Variants in BTN2A2 observed in about 807,000 individuals in gnomAD.
The protein encoded by BTN2A2 is butyrophilin subfamily 2 member A2.
Under a neutral mutation model 34.7 loss-of-function variants are expected in BTN2A2, and 29 were observed. The ratio of observed to expected loss-of-function variants is 0.84; its 90% confidence interval spans 0.62 to 1.14. BTN2A2 has a LOEUF of 1.14. BTN2A2 is among the 50% of genes most tolerant of loss of function. BTN2A2 has a pLI of 0.00. For synonymous variants in BTN2A2, 240 were observed against 253.1 expected (o/e 0.95, Z 0.49); for missense variants, 612 against 651.5 (o/e 0.94, Z 0.66).
In BTN2A2 at chr6:26,393,025, C is replaced by A; in HGVS notation, c.*58C>A. The A allele has an allele frequency of 6.2e-7, 1 of 1,613,212 alleles. No homozygotes were observed. Reference sequence around the variant, plus strand: ...AAGCCCTGGCCATCTCAGCAGCCACCGCACAACCCCCCTAATGAAAGACAC... The same window carrying A: ...AAGCCCTGGCCATCTCAGCAGCCACAGCACAACCCCCCTAATGAAAGACAC... On this transcript the variant is annotated 3_prime_UTR_variant, in exon 8 of 8. Transcript: ENST00000356709.
chr6:26,389,946 G>T (rs1449799352), intron 4 of BTN2A2, 59 bp from the exon 5 acceptor site: 4 of 1,536,446 alleles, frequency 2.6e-6, no homozygotes, highest in Admixed American at 1.8e-5. Flanking sequence ...GCTCTTAGGG[G>T]CACTCTCATC....
Position 26,393,050 on chromosome 6 carries a change from C to G in BTN2A2, c.*83C>G. 6.2e-7 allele frequency: 1 copy of G among 1,612,050 alleles called. No individual in the cohort carries two copies. The highest frequency in any genetic ancestry group is 1.1e-5 in the South Asian group (1 of 90,768). Reference sequence around the variant, plus strand: ...CGCACAACCCCCCTAATGAAAGACACGCCCTCCTCCCCTCTGGTCACGTAA... The same window carrying G: ...CGCACAACCCCCCTAATGAAAGACAGGCCCTCCTCCCCTCTGGTCACGTAA... On this transcript the variant is annotated 3_prime_UTR_variant, in exon 8 of 8. Transcript: ENST00000356709.
rs1761640441 is a variant in BTN2A2 at position 26,392,436 on chromosome 6, A to G, written c.1041A>G (p.Arg347=). 6.2e-7 allele frequency: 1 copy of G among 1,614,170 alleles called. No individual in the cohort carries two copies. The highest frequency in any genetic ancestry group is 8.5e-7 in the Non-Finnish European group (1 of 1,180,040). Residue 347 remains arginine, a synonymous_variant, in exon 8 of 8, where the codon AGA becomes AGG. Transcript: ENST00000356709. The part of the protein sequence containing the change: ...HPELFLSEDR[R]SVRRGPYRQR... Reference sequence around the variant, plus strand: ...AGCTCTTCCTGTCAGAGGACCGGAGAAGTGTGAGGCGGGGCCCCTACAGGC... The same window carrying G: ...AGCTCTTCCTGTCAGAGGACCGGAGGAGTGTGAGGCGGGGCCCCTACAGGC...
In BTN2A2 at chr6:26,383,791, GGCCTCTGGTCTCT is replaced by G. The variant is rs1761009825; in HGVS notation, c.-26_-14del. On this transcript the variant is annotated splice_region_variant and 5_prime_UTR_variant, in exon 2 of 8. Coordinates refer to ENST00000356709, the MANE Select transcript of BTN2A2 (RefSeq NM_006995.5). This position sits in a 1 kb window ranked among gnomAD's most constrained non-coding sequence, Gnocchi z 4.4. ...CTGATTCTCCTCCTCTGTAACCCTA[GGCCTCTGGTCTCT>G]GCCTGCCCTGGGTGCTCATGGAACC... is the stretch of plus-strand genomic sequence containing the variant. 1 of 1,604,346 alleles carries G rather than the reference GGCCTCTGGTCTCT, an allele frequency of 6.2e-7. No homozygotes were observed. The highest frequency in any genetic ancestry group is 1.1e-5 in the South Asian group (1 of 90,868).
rs1761723514 is a variant in BTN2A2, at chr6:26,393,372, G to A, written c.*405G>A. The A allele has an allele frequency of 2.9e-5, 34 of 1,162,474 alleles. No homozygotes were observed. The highest frequency in any genetic ancestry group is 3.1e-5 in the Non-Finnish European group (29 of 932,850). The allele number at this position is 1,162,474 out of a possible 1,614,324, so 72.0% of individuals were successfully genotyped here. ...GGGTTCACCAGGATGAGAGAGGAGAGAGGAATCCACAGGACCACCAGAAGG... is the reference window on the plus strand; with the variant it reads ...GGGTTCACCAGGATGAGAGAGGAGAAAGGAATCCACAGGACCACCAGAAGG... On this transcript the variant is annotated 3_prime_UTR_variant, in exon 8 of 8. Coordinates refer to ENST00000356709, the MANE Select transcript of BTN2A2 (RefSeq NM_006995.5).
intron 7 of BTN2A2, chr6:26,392,155 T>C (rs575739288): frequency 1.4e-6 from 2 of 1,429,912 alleles, no homozygotes; most frequent in African/African-American, 2.8e-5. Context: ...GAGCCACAAT[T>C]CTTCTCAACC....
chr6:26,392,054 C>A (rs922590225), intron 7 of BTN2A2: 6 of 683,488 alleles, frequency 8.8e-6, no homozygotes, highest in African/African-American at 7.2e-5. Flanking sequence ...GATCATATAT[C>A]TTGAATAGAA....
chr6:26,385,452 C>T lies in BTN2A2; in HGVS notation c.442+90C>T, dbSNP rs573068578. On this transcript the variant is annotated intron_variant, in intron 3 of 7. Coordinates refer to ENST00000356709, the MANE Select transcript of BTN2A2 (RefSeq NM_006995.5). Reference sequence around the variant, plus strand: ...TAACCTCAGGCCCATTGCAGACCAACGGATTTCTATCTGGCGTCCCCTTTC... The same window carrying T: ...TAACCTCAGGCCCATTGCAGACCAATGGATTTCTATCTGGCGTCCCCTTTC... 82 of 1,258,760 alleles carry T rather than the reference C, an allele frequency of 6.5e-5. 1 individual carries two copies. Among genetic ancestry groups the T allele is most frequent in the African/African-American group, 2.0e-4 (13 of 66,454 alleles). The allele number at this position is 1,258,760 out of a possible 1,614,324, so 78.0% of individuals were successfully genotyped here.
chr6:26,393,869 T>C lies in BTN2A2; in HGVS notation c.*902T>C, dbSNP rs529183632. On this transcript the variant is annotated 3_prime_UTR_variant, in exon 8 of 8. Transcript: ENST00000356709. ...ATGACATTTGACATTGAAACAAAAA[T>C]TTAAAATGTTATCTTTTAATTTATG... 3.6e-6 allele frequency: 2 copies of C among 550,310 alleles called. No homozygotes were observed. The highest frequency in any genetic ancestry group is 1.6e-4 in the South Asian group (2 of 12,570). 34.1% of individuals were successfully genotyped at this position (550,310 alleles called of 1,614,324 possible). A position where few individuals can be genotyped will look rare whatever the true frequency, so the allele number is the denominator to read the frequency against.
chr6:26,383,460 C>A lies in BTN2A2; in HGVS notation c.-31+279C>A. ...GGTGGGGAGGCGCAGCCTCGCCTGG[C>A]TTTACCTCGAGTGTCCCGACCTGGG... is the stretch of plus-strand genomic sequence containing the variant. On this transcript the variant is annotated intron_variant, in intron 1 of 7. Transcript: ENST00000356709. This position sits in a 1 kb window ranked among gnomAD's most constrained non-coding sequence, Gnocchi z 4.4. 4.3e-6 allele frequency: 1 copy of A among 233,574 alleles called. No homozygotes were observed. The highest frequency in any genetic ancestry group is 5.8e-5 in the South Asian group (1 of 17,238). 14.5% of individuals were successfully genotyped at this position (233,574 alleles called of 1,614,324 possible).
At chr6:26,385,552 C>CTTTTT in intron 3 of BTN2A2, 190 bp downstream of exon 3, 2 of 428,122 alleles carry the variant, frequency 4.7e-6, no homozygotes, top group Non-Finnish European at 8.4e-6. Flanking sequence ...GGTTTCACTT[C>CTTTTT]TTTTTTTTTT....
rs1328547470 is a variant in BTN2A2, at chr6:26,388,255, C to A, written c.685C>A (p.Leu229Met). ...RNVSCSVNNT[L>M]LGQEKETVIF... is the part of the protein sequence containing the mutation. ...TGTGTCCTGCTCTGTCAACAACACC[C>A]TGCTCGGCCAGGAGAAGGAAACTGT... Residue 229 changes from leucine (L) to methionine (M), a missense_variant, in exon 4 of 8, where the codon CTG becomes ATG. Transcript: ENST00000356709. 1 of 1,614,100 alleles carries A rather than the reference C, an allele frequency of 6.2e-7. No individual in the cohort carries two copies. The highest frequency in any genetic ancestry group is 8.5e-7 in the Non-Finnish European group (1 of 1,180,044).
intron 4 of BTN2A2, among the ~76,000 whole-genome samples, chr6:26,388,921 A>G (rs1581599783): frequency 6.6e-6 from 1 of 152,178 alleles, no homozygotes; most frequent in African/African-American, 2.4e-5. Flanking sequence ...GGAGTTCAGG[A>G]CCAGCCTGGC....
In BTN2A2 at chr6:26,390,825, T is replaced by C. The variant is rs894702818; in HGVS notation, c.975T>C (p.His325=). 3.7e-6 allele frequency: 6 copies of C among 1,614,040 alleles called. No individual in the cohort carries two copies. Among genetic ancestry groups the C allele is most frequent in the African/African-American group, 1.3e-5 (1 of 74,928 alleles). ...EELRWRRTFL[H]AADVVLDPDT... is the part of the protein sequence containing the mutation. ...CAGGATGGAGAAGAACATTCTTACA[T>C]GCTGGTGAGTGCCTCTGATGTTCTC... The change falls in exon 7 of 8, where the codon CAT becomes CAC. Residue 325 remains histidine, a synonymous_variant. Transcript: ENST00000356709.
In BTN2A2 at chr6:26,393,066, G is replaced by T; in HGVS notation, c.*99G>T. The T allele has an allele frequency of 1.2e-6, 2 of 1,611,298 alleles. No homozygotes were observed. The highest frequency in any genetic ancestry group is 8.5e-7 in the Non-Finnish European group (1 of 1,178,580). On this transcript the variant is annotated 3_prime_UTR_variant, in exon 8 of 8. Coordinates refer to ENST00000356709, the MANE Select transcript of BTN2A2 (RefSeq NM_006995.5). ...TGAAAGACACGCCCTCCTCCCCTCT[G>T]GTCACGTAAGAGAACATCTTCCAGC...
chr6:26,387,992 A>T, intron 3 of BTN2A2, 21 bp from the exon 4 acceptor site: 1 of 1,597,060 alleles, frequency 6.3e-7, no homozygotes, highest in Non-Finnish European at 8.6e-7. Flanking sequence ...CTTTTGGCTG[A>T]GCCCTGGTCT....
chr6:26,387,424 A>G (rs890491633), intron 3 of BTN2A2, among the ~76,000 whole-genome samples: 12 of 152,298 alleles, frequency 7.9e-5, no homozygotes, highest in Admixed American at 6.5e-4. Context: ...ACTTTGGTTC[A>G]AAAAGTTTCT....
In BTN2A2 at chr6:26,392,450, G is replaced by A; in HGVS notation, c.1055G>A (p.Gly352Asp). ...GAGGACCGGAGAAGTGTGAGGCGGG[G>A]CCCCTACAGGCAGAGAGTGCCTGAC... ...LSEDRRSVRR[G>D]PYRQRVPDNP... Residue 352 changes from glycine (G) to aspartate (D), a missense_variant, in exon 8 of 8, where the codon GGC (glycine) becomes GAC (aspartate). By Grantham distance (94) the Gly-to-Asp change is moderately conservative (BLOSUM62 -1). Coordinates refer to ENST00000356709, the MANE Select transcript of BTN2A2 (RefSeq NM_006995.5). 6.2e-6 allele frequency: 10 copies of A among 1,614,248 alleles called. No individual in the cohort carries two copies. Among genetic ancestry groups the A allele is most frequent in the Non-Finnish European group, 8.5e-6 (10 of 1,180,044 alleles).
Position 26,389,607 on chromosome 6 carries a change from A to G in BTN2A2, c.725-398A>G, listed in dbSNP as rs539334748. 2.6e-5 allele frequency among the ~76,000 whole-genome samples: 4 copies of G among 152,328 alleles called. No homozygotes were observed. In the South Asian group the frequency reaches 8.3e-4, roughly 32 times the overall value. Reference sequence around the variant, plus strand: ...GGGAAGCATTGGAAGGTTTTGAGCAAATAATTAACATGATCTCACTTGGGC... The same window carrying G: ...GGGAAGCATTGGAAGGTTTTGAGCAGATAATTAACATGATCTCACTTGGGC... On this transcript the variant is annotated intron_variant, in intron 4 of 7. Transcript: ENST00000356709.
Sources: gnomAD v4.1 joint callset for allele counts (sites outside exome capture counted in the v4.1 genomes callset) on GRCh38, gnomAD v4.1.1 for gene constraint, Gnocchi (gnomAD v3.1) non-coding constraint, MANE v1.5 for transcripts, NCBI Gene and HGNC (gene_info 2026-07-23, HGNC 2026-07-21) for gene names.